The following PCTP variants were observed in gnomAD, a reference collection of about 807,000 sequenced individuals.
The protein encoded by PCTP is phosphatidylcholine transfer protein, also known as START domain-containing protein 2.
In PCTP, 27 loss-of-function variants were observed where a neutral mutation model predicts 31.0. That is an observed-to-expected ratio of 0.87 (90% CI 0.64 to 1.20). The LOEUF is 1.20. PCTP is among the 50% of genes most tolerant of loss of function. The pLI, the probability that PCTP is intolerant of heterozygous loss-of-function variation, is 0.00. For missense variants in PCTP, 287 were observed against 268.2 expected (o/e 1.07, Z -0.49); for synonymous variants, 108 against 101.2 (o/e 1.07, Z -0.40).
intron 5 of PCTP, 46 bp downstream of exon 5, chr17:55,774,905 T>G: frequency 1.5e-6 from 2 of 1,334,934 alleles, no homozygotes; most frequent in East Asian, 2.4e-5. Context: ...GGGGAGTGTG[T>G]TTGACAAATG....
At chr17:55,846,880 T>A (rs911938210), downstream of PCTP, among the ~76,000 whole-genome samples, 1 of 152,110 alleles carries the variant, frequency 6.6e-6, no homozygotes, top group Admixed American at 6.5e-5. Context: ...TACTCAAGAG[T>A]CATTTTTCCC....
intron 5 of PCTP, among the ~76,000 whole-genome samples, chr17:55,833,972 C>A (rs904771063): frequency 1.6e-4 from 25 of 152,094 alleles, no homozygotes; most frequent in Non-Finnish European, 4.4e-5. Context: ...ATATTTATAA[C>A]ATATTTATAA....
At chr17:55,811,668 G>A (rs996449648) in intron 3 of PCTP, among the ~76,000 whole-genome samples, 27 of 152,192 alleles carry the variant, frequency 1.8e-4, no homozygotes, top group African/African-American at 6.3e-4. Context: ...CAGTCCAGCT[G>A]GGATGTCGTC....
At chr17:55,831,715 T>C (rs966821595) in intron 5 of PCTP, among the ~76,000 whole-genome samples, 2 of 152,148 alleles carry the variant, frequency 1.3e-5, no homozygotes, top group Non-Finnish European at 2.9e-5. Flanking sequence ...CCCAAATTCC[T>C]TTGCACTAGA....
chr17:55,751,260 C>T lies in PCTP; in HGVS notation c.141+16C>T. The T allele has an allele frequency of 6.5e-7, 1 of 1,530,566 alleles. No individual in the cohort carries two copies. Among genetic ancestry groups the T allele is most frequent in the Non-Finnish European group, 8.8e-7 (1 of 1,137,784 alleles). 94.8% of individuals were successfully genotyped at this position (1,530,566 alleles called of 1,614,324 possible). A position where few individuals can be genotyped will look rare whatever the true frequency, so the allele number is the denominator to read the frequency against. On this transcript the variant is annotated intron_variant, in intron 1 of 5. Transcript: ENST00000268896. ...GCTGGACAAGGTAGCGGCCAACCCG[C>T]TGGAGGACCGCGGGGCCTAGAATGC... is the stretch of plus-strand genomic sequence containing the variant.
intron 5 of PCTP, among the ~76,000 whole-genome samples, chr17:55,837,524 G>A (rs773937990): frequency 3.3e-5 from 5 of 151,802 alleles, no homozygotes; most frequent in Admixed American, 6.6e-5. Context: ...ATGCCCTTTC[G>A]CCCCATAAAA....
intron 3 of PCTP, among the ~76,000 whole-genome samples, chr17:55,817,847 A>C (rs1416279764): frequency 2.0e-5 from 3 of 152,190 alleles, no homozygotes. Flanking sequence ...CAAAGATTTC[A>C]ATTAGTTATT....
intron 4 of PCTP, 95 bp downstream of exon 4, chr17:55,773,990 C>T: frequency 7.2e-7 from 1 of 1,381,352 alleles, no homozygotes; most frequent in Admixed American, 2.4e-5. Flanking sequence ...TGAAGCGTAT[C>T]CCTGAAGGTC....
chr17:55,809,258 A>G (rs1912673153), intron 3 of PCTP, among the ~76,000 whole-genome samples: 1 of 152,214 alleles, frequency 6.6e-6, no homozygotes, highest in Non-Finnish European at 1.5e-5. Flanking sequence ...CAAACTCTTT[A>G]TAAATTTAGA....
intron 5 of PCTP, among the ~76,000 whole-genome samples, chr17:55,835,844 G>T (rs2145085852): frequency 6.6e-6 from 1 of 152,264 alleles, no homozygotes; most frequent in African/African-American, 2.4e-5. Flanking sequence ...ACCACAGTCT[G>T]CCTATTTACC....
At chr17:55,852,371 C>A in the PCTP span, among the ~76,000 whole-genome samples, 1 of 152,082 alleles carries the variant, frequency 6.6e-6, no homozygotes, top group Non-Finnish European at 1.5e-5. Context: ...AAATATAAGG[C>A]CAAGAAACAC....
chr17:55,774,866 TC>T lies in PCTP; in HGVS notation c.579+10del. ...CATTAACTGGGCCGCCAAGGTGAGATCCCAGGAGGTGGGGCGGGGGGAGGGA... is the reference window on the plus strand; with the variant it reads ...CATTAACTGGGCCGCCAAGGTGAGATCCAGGAGGTGGGGCGGGGGGAGGGA... On this transcript the variant is annotated splice_region_variant and intron_variant, in intron 5 of 5. Coordinates refer to ENST00000268896, the MANE Select transcript of PCTP (RefSeq NM_021213.4). 1 of 540,988 alleles carries T rather than the reference TC, an allele frequency of 1.8e-6. No individual in the cohort carries two copies. The highest frequency in any genetic ancestry group is 5.6e-5 in the East Asian group (1 of 17,890). The allele number at this position is 540,988 out of a possible 1,614,324, so 33.5% of individuals were successfully genotyped here. A position where few individuals can be genotyped will look rare whatever the true frequency, so the allele number is the denominator to read the frequency against.
At chr17:55,842,726 G>T (rs1025858947) in intron 5 of PCTP, 2 of 152,166 alleles carry the variant, frequency 1.3e-5, no homozygotes, top group Non-Finnish European at 1.5e-5. Context: ...ATGGATTTCA[G>T]ACTCTTCAAA....
At chr17:55,800,325 A>T (rs1410907706) in intron 3 of PCTP, among the ~76,000 whole-genome samples, 2 of 151,526 alleles carry the variant, frequency 1.3e-5, no homozygotes, top group African/African-American at 2.4e-5. Context: ...CATTAAGCTG[A>T]TCTTCAATCT....
chr17:55,846,707 CA>C (rs1431525210), downstream of PCTP, among the ~76,000 whole-genome samples: 1 of 152,170 alleles, frequency 6.6e-6, no homozygotes, highest in Non-Finnish European at 1.5e-5. Flanking sequence ...ACACTTATAG[CA>C]AAGTCCATGA....
At chr17:55,834,401 G>C (rs1047402624) in intron 5 of PCTP, among the ~76,000 whole-genome samples, 1 of 151,984 alleles carries the variant, frequency 6.6e-6, no homozygotes, top group Non-Finnish European at 1.5e-5. Flanking sequence ...CCCTCCCTGT[G>C]TCAAAACTGG....
intron 3 of PCTP, among the ~76,000 whole-genome samples, chr17:55,808,322 A>G (rs1261088313): frequency 1.3e-5 from 2 of 152,200 alleles, no homozygotes; most frequent in Admixed American, 1.3e-4. Flanking sequence ...TTAACTTCAC[A>G]TTCTCTGAGA....
chr17:55,762,677 A>G (rs1487024372), intron 1 of PCTP, among the ~76,000 whole-genome samples: 2 of 152,290 alleles, frequency 1.3e-5, no homozygotes, highest in East Asian at 3.9e-4. Flanking sequence ...TGATGCCAGC[A>G]ACCCTCTGAG....
At chr17:55,758,918 T>C (rs1395875126) in intron 1 of PCTP, among the ~76,000 whole-genome samples, 8 of 152,212 alleles carry the variant, frequency 5.3e-5, no homozygotes, top group Admixed American at 4.6e-4. Context: ...AGCTTTATGC[T>C]CTCACTCTGT....
Sources: allele counts gnomAD v4.1 joint callset (sites outside exome capture counted in the v4.1 genomes callset), GRCh38; gene constraint gnomAD v4.1.1; transcripts MANE v1.5; gene names NCBI Gene and HGNC (gene_info 2026-07-23, HGNC 2026-07-21).